The following KCND2 variants were observed in gnomAD, a reference collection of about 807,000 sequenced individuals.
KCND2 encodes the protein potassium voltage-gated channel subfamily D member 2, also known as A-type voltage-gated potassium channel KCND2.
KCND2 carries 16 observed loss-of-function variants against 54.4 expected under a neutral mutation model. The observed-to-expected ratio is 0.29, with a 90% CI of 0.20 to 0.45. The LOEUF (loss-of-function observed/expected upper bound fraction) is 0.45. Ranked by LOEUF, KCND2 falls within the 20% of genes least tolerant of loss-of-function variation. The probability of loss-of-function intolerance (pLI) is 1.00; values close to 1 mark genes in which losing one functional copy is unlikely to be tolerated. For synonymous variants in KCND2, 317 were observed against 310.7 expected (o/e 1.02, Z -0.21); for missense variants, 486 against 824.2 (o/e 0.59, Z 5.02).
chr7:120,547,708 A>G (rs1478273425), intron 1 of KCND2, among the ~76,000 whole-genome samples: 3 of 152,042 alleles, frequency 2.0e-5, no homozygotes, highest in Admixed American at 6.6e-5. Flanking sequence ...CTGTTCTTCT[A>G]TGTTTAATTT....
intron 1 of KCND2, among the ~76,000 whole-genome samples, chr7:120,308,404 T>G (rs1257555041): frequency 6.6e-6 from 1 of 152,154 alleles, no homozygotes; most frequent in Non-Finnish European, 1.5e-5. Flanking sequence ...CTTACTGTTA[T>G]CAGCATGAGA....
intron 1 of KCND2, among the ~76,000 whole-genome samples, chr7:120,451,212 G>A (rs1017120841): frequency 6.6e-6 from 1 of 152,096 alleles, no homozygotes; most frequent in Non-Finnish European, 1.5e-5. Context: ...GAGTCTGCCT[G>A]CAATTTGGTT....
chr7:120,629,392 A>G (rs1390162176), intron 1 of KCND2, among the ~76,000 whole-genome samples: 1 of 152,164 alleles, frequency 6.6e-6, no homozygotes, highest in East Asian at 1.9e-4. Context: ...AGGCTGAGGC[A>G]GGAGAATGGC....
chr7:120,694,675 G>C (rs1471015375), intron 1 of KCND2, among the ~76,000 whole-genome samples: 1 of 152,030 alleles, frequency 6.6e-6, no homozygotes, highest in Admixed American at 6.6e-5. Flanking sequence ...CCCCAATGAT[G>C]CCTACCACAC....
intron 1 of KCND2, among the ~76,000 whole-genome samples, chr7:120,537,918 T>A (rs1791931848): frequency 6.6e-6 from 1 of 152,208 alleles, no homozygotes; most frequent in Non-Finnish European, 1.5e-5. Flanking sequence ...AGTAAGGCTG[T>A]TTCACTTTAT....
intron 1 of KCND2, among the ~76,000 whole-genome samples, chr7:120,716,332 T>A (rs1207412849): frequency 6.6e-6 from 1 of 151,422 alleles, no homozygotes; most frequent in South Asian, 2.1e-4. Flanking sequence ...AGAAAAAAAA[T>A]GGCCACTTAT....
intron 1 of KCND2, among the ~76,000 whole-genome samples, chr7:120,628,843 T>C (rs927197010): frequency 4.6e-5 from 7 of 152,128 alleles, no homozygotes; most frequent in African/African-American, 1.7e-4. Context: ...ATGCAGCTTT[T>C]CTGAATTAAT....
intron 1 of KCND2, among the ~76,000 whole-genome samples, chr7:120,632,011 C>T (rs187705804): frequency 1.3e-5 from 2 of 152,010 alleles, no homozygotes; most frequent in Non-Finnish European, 1.5e-5. Context: ...ACTCCCAACC[C>T]GATTTTAGGT....
rs571276848 is a variant in KCND2, at chr7:120,367,462, T to C, written c.1115+91715T>C. Among the ~76,000 whole-genome samples the C allele has an allele frequency of 4.6e-5, 7 of 152,090 alleles. No homozygotes were observed. The South Asian group carries it at 8.3e-4, about 18-fold the overall frequency. On this transcript the variant is annotated intron_variant, in intron 1 of 5. Transcript: ENST00000331113. ...TCCTTTTCCCTTATTATATTTGCATTATTACAATATCTCATCACTAGAACC... is the reference window on the plus strand; with the variant it reads ...TCCTTTTCCCTTATTATATTTGCATCATTACAATATCTCATCACTAGAACC...
intron 1 of KCND2, among the ~76,000 whole-genome samples, chr7:120,319,764 A>T (rs1279531007): frequency 6.6e-6 from 1 of 152,104 alleles, no homozygotes; most frequent in Non-Finnish European, 1.5e-5. Context: ...TAATTATGGT[A>T]TTTTTTCCAT....
intron 1 of KCND2, among the ~76,000 whole-genome samples, chr7:120,446,970 C>T (rs1465809535): frequency 1.3e-5 from 2 of 152,056 alleles, no homozygotes; most frequent in African/African-American, 4.8e-5. Flanking sequence ...TGAAACAATG[C>T]AGTGTTTTAC....
At position 120,385,955 on chromosome 7, in the gene KCND2, C is replaced by T. The variant is rs1445469408; in HGVS notation, c.1115+110208C>T. Reference sequence around the variant, plus strand: ...AGTGATCACCTGATGATACTAATTCCATCTAGACTTCTTTGTATTCTGAGA... The same window carrying T: ...AGTGATCACCTGATGATACTAATTCTATCTAGACTTCTTTGTATTCTGAGA... On this transcript the variant is annotated intron_variant, in intron 1 of 5. Transcript: ENST00000331113. 2.6e-5 allele frequency among the ~76,000 whole-genome samples: 4 copies of T among 152,236 alleles called. No homozygotes were observed. The East Asian group carries it at 7.7e-4, about 29-fold the overall frequency.
chr7:120,451,914 G>A (rs1324147820), intron 1 of KCND2, among the ~76,000 whole-genome samples: 1 of 152,208 alleles, frequency 6.6e-6, no homozygotes, highest in Admixed American at 6.5e-5. Flanking sequence ...GATTAATCAA[G>A]AGTCAACTTT....
intron 1 of KCND2, among the ~76,000 whole-genome samples, chr7:120,690,664 A>T (rs977516907): frequency 6.6e-6 from 1 of 152,226 alleles, no homozygotes; most frequent in Non-Finnish European, 1.5e-5. Context: ...TTAGAGTCAC[A>T]AATAACAAGC....
chr7:120,504,984 G>T (rs1489948266), intron 1 of KCND2, among the ~76,000 whole-genome samples: 1 of 151,430 alleles, frequency 6.6e-6, no homozygotes, highest in Non-Finnish European at 1.5e-5. Context: ...AAGCACTTTT[G>T]CTTTTAAAAA....
intron 1 of KCND2, among the ~76,000 whole-genome samples, chr7:120,416,348 C>G (rs572492631): frequency 3.3e-5 from 5 of 152,274 alleles, no homozygotes; most frequent in African/African-American, 1.2e-4. Flanking sequence ...CACCCCTACT[C>G]ACACACACAT....
chr7:120,498,846 A>T (rs970534025), intron 1 of KCND2, among the ~76,000 whole-genome samples: 9 of 152,284 alleles, frequency 5.9e-5, no homozygotes, highest in Middle Eastern at 3.4e-3. Flanking sequence ...GTTAGCATCT[A>T]TCTACAGGAA....
chr7:120,582,071 A>G (rs947144230), intron 1 of KCND2, among the ~76,000 whole-genome samples: 1 of 152,162 alleles, frequency 6.6e-6, no homozygotes, highest in African/African-American at 2.4e-5. Flanking sequence ...CAGTCCTTTT[A>G]ATATTTAAGG....
chr7:120,703,478 G>C (rs1792428126), intron 1 of KCND2, among the ~76,000 whole-genome samples: 1 of 152,136 alleles, frequency 6.6e-6, no homozygotes, highest in African/African-American at 2.4e-5. Flanking sequence ...AAGTAATTGG[G>C]AGCGATGTGG....
Sources: gnomAD v4.1 joint callset for allele counts (sites outside exome capture counted in the v4.1 genomes callset) on GRCh38, gnomAD v4.1.1 for gene constraint, MANE v1.5 for transcripts, NCBI Gene and HGNC (gene_info 2026-07-23, HGNC 2026-07-21) for gene names.